The following PRDM5 variants were observed in gnomAD, a reference collection of about 807,000 sequenced individuals.
PRDM5 encodes PR/SET domain 5.
In PRDM5, 56 loss-of-function variants were observed where a neutral mutation model predicts 81.2. That is an observed-to-expected ratio of 0.69 (90% confidence interval 0.56 to 0.86). The LOEUF is 0.86. Ranked by LOEUF, PRDM5 falls within the 40% of genes least tolerant of loss-of-function variation. PRDM5 has a pLI of 0.00. For synonymous variants in PRDM5, 267 were observed against 256.4 expected, an observed-to-expected ratio of 1.04 and a Z score of -0.39; for missense variants, 697 against 770.1, an observed-to-expected ratio of 0.91 and a Z score of 1.12.
intron 10 of PRDM5, among the ~76,000 whole-genome samples, chr4:120,797,596 T>A (rs1248836402): frequency 6.6e-6 from 1 of 152,180 alleles, no homozygotes; most frequent in Non-Finnish European, 1.5e-5. Flanking sequence ...CATGCTTTTG[T>A]CATTAAGACA....
intron 13 of PRDM5, among the ~76,000 whole-genome samples, chr4:120,755,327 AG>A (rs1488675042): frequency 6.6e-6 from 1 of 152,348 alleles, no homozygotes; most frequent in African/African-American, 2.4e-5. Flanking sequence ...AATCTCCAAA[AG>A]GGATCTGAAG....
In PRDM5 at chr4:120,835,728, T is replaced by C. The variant is rs146975689; in HGVS notation, c.301-14383A>G. ...CTTTTTTTTCCCAGTCTCTGGTACA[T>C]CTTTATCAGCAGCATAAAAACAGAC... On this transcript the variant is annotated intron_variant, in intron 3 of 15. Transcript: ENST00000264808. Among the ~76,000 whole-genome samples the C allele has an allele frequency of 7.1e-4, 108 of 152,136 alleles. 1 individual carries two copies. In the Middle Eastern group the frequency reaches 0.017, roughly 24 times the overall value.
intron 2 of PRDM5, among the ~76,000 whole-genome samples, chr4:120,873,653 C>T (rs890788006): frequency 6.6e-6 from 1 of 152,206 alleles, no homozygotes; most frequent in African/African-American, 2.4e-5. Flanking sequence ...ACAGATTTCT[C>T]ATGTTTACCA....
intron 15 of PRDM5, among the ~76,000 whole-genome samples, chr4:120,698,214 C>CT (rs1734805049): frequency 6.6e-6 from 1 of 152,192 alleles, no homozygotes; most frequent in Non-Finnish European, 1.5e-5. Context: ...CTTCTTAACT[C>CT]TCCAAACAGC....
chr4:120,806,107 A>C (rs1752879015), intron 8 of PRDM5, among the ~76,000 whole-genome samples: 1 of 152,194 alleles, frequency 6.6e-6, no homozygotes, highest in African/African-American at 2.4e-5. Context: ...AATTGCTTCA[A>C]AGAGAATAAA....
chr4:120,769,297 T>C (rs972068498), intron 13 of PRDM5, among the ~76,000 whole-genome samples: 2 of 152,126 alleles, frequency 1.3e-5, no homozygotes, highest in Non-Finnish European at 2.9e-5. Context: ...CACAGACTAC[T>C]GAAGATGGCC....
intron 2 of PRDM5, among the ~76,000 whole-genome samples, chr4:120,881,071 A>C (rs948114416): frequency 6.6e-6 from 1 of 152,200 alleles, no homozygotes; most frequent in Non-Finnish European, 1.5e-5. Context: ...TTATGTGTAA[A>C]AACATAATTA....
At chr4:120,909,066 T>A (rs1001935180) in intron 1 of PRDM5, among the ~76,000 whole-genome samples, 2 of 152,198 alleles carry the variant, frequency 1.3e-5, no homozygotes, top group African/African-American at 4.8e-5. Context: ...GCATTCCAAA[T>A]AATCCTATGT....
rs760303865 is a variant in PRDM5 at position 120,821,223 on chromosome 4, G to A, written c.423C>T (p.Ile141=). ...EEEEQQIMTV[I]KEGEVENSRR... is the part of the protein sequence containing the mutation. ...TAGAATTTTCAACTTCCCCTTCTTT[G>A]ATGACTGTCATAATTTGCTGTTCTT... The change falls in exon 4 of 16, where the codon ATC becomes ATT. Residue 141 remains isoleucine (I), a synonymous_variant. Coordinates refer to ENST00000264808, the MANE Select transcript of PRDM5 (RefSeq NM_018699.4). The A allele has an allele frequency of 1.2e-6, 2 of 1,613,842 alleles. No individual in the cohort carries two copies. Among genetic ancestry groups the A allele is most frequent in the African/African-American group, 1.3e-5 (1 of 74,862 alleles).
At chr4:120,889,582 T>A (rs1763823446) in intron 2 of PRDM5, among the ~76,000 whole-genome samples, 1 of 152,180 alleles carries the variant, frequency 6.6e-6, no homozygotes, top group African/African-American at 2.4e-5. Context: ...CATCTTTTTT[T>A]AAGTTTTATT....
At chr4:120,875,050 G>A (rs17051274) in intron 2 of PRDM5, among the ~76,000 whole-genome samples, 17,854 of 152,158 alleles carry the variant, frequency 0.12, 1,286 homozygotes, top group East Asian at 0.16. Context: ...GATGGGCGGT[G>A]GACGGAGAGT....
intron 14 of PRDM5, among the ~76,000 whole-genome samples, chr4:120,734,796 TC>T (rs1230484254): frequency 9.2e-5 from 14 of 152,330 alleles, no homozygotes; most frequent in Admixed American, 8.5e-4. Flanking sequence ...CTCTGTTTCT[TC>T]CGACACCTTT....
intron 7 of PRDM5, among the ~76,000 whole-genome samples, chr4:120,815,082 GTTT>G (rs2149333055): frequency 6.6e-6 from 1 of 152,178 alleles, no homozygotes; most frequent in East Asian, 1.9e-4. Context: ...TATGCATCTG[GTTT>G]TTTACTTAGT....
At chr4:120,785,732 A>G (rs1749684844) in intron 10 of PRDM5, among the ~76,000 whole-genome samples, 1 of 152,158 alleles carries the variant, frequency 6.6e-6, no homozygotes, top group Admixed American at 6.6e-5. Flanking sequence ...ACTATTACTG[A>G]CTCCAGTTTA....
At chr4:120,685,551 C>T (rs909876226) in intron 1 of PRDM5, among the ~76,000 whole-genome samples, 1 of 151,986 alleles carries the variant, frequency 6.6e-6, no homozygotes, top group African/African-American at 2.4e-5. Flanking sequence ...AGGGTGTAAG[C>T]TGGAATGCTG....
chr4:120,799,777 C>T (rs1315163109), intron 8 of PRDM5, 32 bp from the exon 9 acceptor site: 4 of 1,603,516 alleles, frequency 2.5e-6, no homozygotes, highest in Non-Finnish European at 3.4e-6. Flanking sequence ...GTTAAATCAA[C>T]TGTCAAAGCC....
At chr4:120,798,454 A>G (rs1751652764) in intron 9 of PRDM5, 30 bp from the exon 10 acceptor site, 1 of 1,556,140 alleles carries the variant, frequency 6.4e-7, no homozygotes, top group African/African-American at 1.4e-5. Flanking sequence ...AGACAATCTC[A>G]TATCTATATA....
At chr4:120,911,877 T>C (rs1207606266) in intron 1 of PRDM5, among the ~76,000 whole-genome samples, 3 of 152,174 alleles carry the variant, frequency 2.0e-5, no homozygotes, top group African/African-American at 4.8e-5. Flanking sequence ...AAAATCTCAT[T>C]TGCTATCATT....
chr4:120,839,132 C>T, intron 3 of PRDM5: 1 of 667,908 alleles, frequency 1.5e-6, no homozygotes, highest in Non-Finnish European at 2.8e-6. Context: ...GCTTGGGGAG[C>T]TCCCAGGTCT....
Sources: allele counts gnomAD v4.1 joint callset (sites outside exome capture counted in the v4.1 genomes callset), GRCh38; gene constraint gnomAD v4.1.1; transcripts MANE v1.5; gene names NCBI Gene and HGNC (gene_info 2026-07-23, HGNC 2026-07-21).